UST: variants seen among roughly 807,000 people sequenced by gnomAD.
UST encodes the protein chondroitin sulfate 2-O-sulfotransferase.
Under a neutral mutation model 45.6 loss-of-function variants are expected in UST, and 21 were observed. The observed-to-expected ratio is 0.46, with a 90% CI of 0.33 to 0.66. The LOEUF (loss-of-function observed/expected upper bound fraction) is 0.66, where lower values mean the gene tolerates loss of function less well. Ranked by LOEUF, UST falls within the 30% of genes least tolerant of loss-of-function variation. The pLI, the probability that UST is intolerant of heterozygous loss-of-function variation, is 0.02. For synonymous variants in UST, 215 were observed against 200.6 expected, an observed-to-expected ratio of 1.07 and a Z score of -0.61; for missense variants, 463 against 512.4, an observed-to-expected ratio of 0.90 and a Z score of 0.93.
intron 2 of UST, among the ~76,000 whole-genome samples, chr6:148,900,523 T>C (rs138758379): frequency 3.9e-5 from 6 of 152,334 alleles, no homozygotes; most frequent in Admixed American, 1.3e-4. Flanking sequence ...CCATGTGAGA[T>C]GTGCCTTTCA....
chr6:148,970,671 C>T (rs113970953), intron 5 of UST, among the ~76,000 whole-genome samples: 121 of 152,314 alleles, frequency 7.9e-4, no homozygotes, highest in African/African-American at 2.6e-3. Context: ...AGCTAAGCCA[C>T]ACGGAAACCA....
At chr6:148,964,340 G>A (rs1780735076) in intron 4 of UST, 70 bp from the exon 5 acceptor site, 2 of 1,569,944 alleles carry the variant, frequency 1.3e-6, no homozygotes, top group Non-Finnish European at 1.7e-6. Flanking sequence ...GGGAAGGGGA[G>A]ATGTTGTCTA....
intron 1 of UST, among the ~76,000 whole-genome samples, chr6:148,864,249 C>T (rs1318251539): frequency 1.3e-5 from 2 of 152,236 alleles, no homozygotes; most frequent in Non-Finnish European, 2.9e-5. Flanking sequence ...AGTTCGATCT[C>T]ATACTGCTGT....
intron 2 of UST, among the ~76,000 whole-genome samples, chr6:148,938,775 GAT>G (rs1379218829): frequency 6.6e-6 from 1 of 150,818 alleles, no homozygotes; most frequent in East Asian, 1.9e-4. Flanking sequence ...TAATAAAGTA[GAT>G]AATAGTATAA....
In UST at chr6:149,059,074, C is replaced by CA. The variant is rs565206155; in HGVS notation, c.938-14758dup. On this transcript the variant is annotated intron_variant, in intron 7 of 7. Transcript: ENST00000367463. ...CAACTTGCCCTTCATTCGGTAAATA[C>CA]AGGCAGCAGGGAAAGCCAGGAAGCC... is the stretch of plus-strand genomic sequence containing the variant. 2.0e-5 allele frequency among the ~76,000 whole-genome samples: 3 copies of CA among 152,356 alleles called. No individual in the cohort carries two copies. The South Asian group carries it at 6.2e-4, about 32-fold the overall frequency.
chr6:148,823,007 A>C (rs546351609), intron 1 of UST, among the ~76,000 whole-genome samples: 2 of 152,314 alleles, frequency 1.3e-5, no homozygotes, highest in East Asian at 3.9e-4. Flanking sequence ...TTTGTGGGTA[A>C]GTGGGTATAT....
At chr6:149,020,578 C>T (rs962893188) in intron 6 of UST, among the ~76,000 whole-genome samples, 3 of 152,204 alleles carry the variant, frequency 2.0e-5, no homozygotes, top group African/African-American at 7.2e-5. Flanking sequence ...TATCACCTTG[C>T]ACAGTCTTTA....
At chr6:149,003,778 T>C (rs2115006164) in intron 5 of UST, among the ~76,000 whole-genome samples, 1 of 152,316 alleles carries the variant, frequency 6.6e-6, no homozygotes, top group Middle Eastern at 3.4e-3. Flanking sequence ...GAGCATTGAA[T>C]CTGCAGGTGT....
chr6:148,935,496 A>G lies in UST; in HGVS notation c.292-5783A>G, dbSNP rs184313083. On this transcript the variant is annotated intron_variant, in intron 2 of 7. Coordinates refer to ENST00000367463, the MANE Select transcript of UST (RefSeq NM_005715.3). ...AGAGGATAGAGTTCTCGGCCTGACA[A>G]TTGCAAGTATCTGTTAAGGATAATG... Among the ~76,000 whole-genome samples the G allele has an allele frequency of 9.2e-5, 14 of 152,280 alleles. 1 individual carries two copies. The South Asian group carries it at 1.0e-3, about 11-fold the overall frequency.
chr6:148,911,360 T>C (rs7760563), intron 2 of UST, among the ~76,000 whole-genome samples: 94,803 of 151,928 alleles, frequency 0.62, 29,730 homozygotes, highest in East Asian at 0.7. Context: ...CAACCTGTTC[T>C]TCCCTAGATC....
At chr6:148,910,387 G>A (rs576550314) in intron 2 of UST, among the ~76,000 whole-genome samples, 5 of 152,122 alleles carry the variant, frequency 3.3e-5, no homozygotes, top group East Asian at 3.9e-4. Flanking sequence ...TGATCCGCCC[G>A]CCTGAACCTC....
chr6:148,962,430 A>C (rs1780680035), intron 4 of UST, among the ~76,000 whole-genome samples: 1 of 152,266 alleles, frequency 6.6e-6, no homozygotes, highest in Non-Finnish European at 1.5e-5. Context: ...TTTTAAAAGC[A>C]TGAAGCAATT....
At chr6:148,774,999 T>C (rs1009564524) in intron 1 of UST, among the ~76,000 whole-genome samples, 1 of 151,994 alleles carries the variant, frequency 6.6e-6, no homozygotes, top group South Asian at 2.1e-4. Flanking sequence ...GCCTGGAGTC[T>C]GACAGAGTGA....
chr6:148,958,182 C>T (rs1198114502), intron 4 of UST, among the ~76,000 whole-genome samples: 1 of 151,014 alleles, frequency 6.6e-6, no homozygotes, highest in East Asian at 1.9e-4. Context: ...TGACCTACTT[C>T]GTTTTTTTTC....
At chr6:148,772,494 C>T (rs1582801468) in intron 1 of UST, among the ~76,000 whole-genome samples, 1 of 151,630 alleles carries the variant, frequency 6.6e-6, no homozygotes, top group South Asian at 2.1e-4. Flanking sequence ...ACAATCTTGG[C>T]TCACTGCAAC....
At chr6:149,070,828 C>T (rs566292369) in intron 7 of UST, among the ~76,000 whole-genome samples, 15 of 152,142 alleles carry the variant, frequency 9.9e-5, no homozygotes, top group East Asian at 1.9e-4. Flanking sequence ...AGTGCAGTGG[C>T]GCAATCTCAG....
intron 2 of UST, among the ~76,000 whole-genome samples, chr6:148,898,221 AT>A (rs1171327988): frequency 6.6e-6 from 1 of 152,078 alleles, no homozygotes; most frequent in Admixed American, 6.5e-5. Flanking sequence ...CCACCCTCTC[AT>A]TTTTTTTATC....
chr6:148,907,971 C>T (rs565846765), intron 2 of UST, among the ~76,000 whole-genome samples: 68 of 123,326 alleles, frequency 5.5e-4, no homozygotes, highest in African/African-American at 2.1e-3. Context: ...TGCAGTGGCA[C>T]GATCTTGGCT....
intron 4 of UST, among the ~76,000 whole-genome samples, chr6:148,961,943 CTGA>C: frequency 6.6e-6 from 1 of 152,256 alleles, no homozygotes; most frequent in South Asian, 2.1e-4. Flanking sequence ...GCTCTGGTCC[CTGA>C]TGGTAGCATG....
Sources: allele counts gnomAD v4.1 joint callset (sites outside exome capture counted in the v4.1 genomes callset), GRCh38; gene constraint gnomAD v4.1.1; transcripts MANE v1.5; gene names NCBI Gene and HGNC (gene_info 2026-07-23, HGNC 2026-07-21).